Variants in ITSN2 observed in about 807,000 individuals in gnomAD.
ITSN2 encodes the protein intersectin-2.
In ITSN2, 156 loss-of-function variants were observed where a neutral mutation model predicts 243.7. That is an observed-to-expected ratio of 0.64 (90% CI 0.56 to 0.73). The LOEUF (loss-of-function observed/expected upper bound fraction) is 0.73, where lower values mean the gene tolerates loss of function less well. ITSN2 is among the 30% of genes least tolerant of loss of function. The pLI is 0.00. For missense variants in ITSN2, 1,801 were observed against 1,996.1 expected (o/e 0.90, Z 1.86); for synonymous variants, 703 against 699.9 (o/e 1.00, Z -0.07).
At chr2:24,317,310 G>T (rs1229216890) in intron 2 of ITSN2, among the ~76,000 whole-genome samples, 1 of 152,058 alleles carries the variant, frequency 6.6e-6, no homozygotes, top group Non-Finnish European at 1.5e-5. Context: ...TTTGAACCCG[G>T]GAGGTGGAGG....
chr2:24,347,641 G>A (rs144498136), intron 1 of ITSN2, among the ~76,000 whole-genome samples: 1,933 of 151,770 alleles, frequency 0.013, 39 homozygotes, highest in African/African-American at 0.043. Context: ...AGCTGAGATC[G>A]CACCATTGCA....
chr2:24,215,704 T>C (rs1396794940), intron 32 of ITSN2, among the ~76,000 whole-genome samples: 1 of 149,770 alleles, frequency 6.7e-6, no homozygotes, highest in Non-Finnish European at 1.5e-5. Flanking sequence ...TATTTTATAC[T>C]CTTTCTGGAA....
At chr2:24,332,226 G>C (rs972653438) in intron 1 of ITSN2, among the ~76,000 whole-genome samples, 2 of 152,078 alleles carry the variant, frequency 1.3e-5, no homozygotes, top group African/African-American at 4.8e-5. Context: ...TGGGCAACAA[G>C]GGCAAAACTC....
chr2:24,210,094 G>A, intron 34 of ITSN2, 61 bp from the exon 35 acceptor site: 5 of 1,242,244 alleles, frequency 4.0e-6, no homozygotes, highest in Non-Finnish European at 5.9e-6. Context: ...GTGCCCCTGA[G>A]AGGCCAGTGC....
intron 2 of ITSN2, among the ~76,000 whole-genome samples, chr2:24,320,987 T>C (rs1410179193): frequency 3.3e-5 from 5 of 152,190 alleles, no homozygotes; most frequent in Non-Finnish European, 7.3e-5. Context: ...CTTAGTGGTA[T>C]GTACACTCAT....
intron 22 of ITSN2, among the ~76,000 whole-genome samples, chr2:24,259,197 A>G (rs1675478494): frequency 6.6e-6 from 1 of 152,134 alleles, no homozygotes; most frequent in South Asian, 2.1e-4. Flanking sequence ...GGATACTACT[A>G]TCCTTTTGGT....
chr2:24,315,097 A>G, intron 3 of ITSN2, 35 bp downstream of exon 3: 1 of 1,166,710 alleles, frequency 8.6e-7, no homozygotes, highest in Non-Finnish European at 1.3e-6. Context: ...CATAAGGACC[A>G]TAATTCACTA....
intron 14 of ITSN2, 65 bp downstream of exon 14, chr2:24,295,599 G>A (rs1008493103): frequency 2.5e-5 from 32 of 1,298,200 alleles, no homozygotes; most frequent in African/African-American, 2.2e-4. Flanking sequence ...GTGAGCCACC[G>A]TGCCCAGCCC....
intron 37 of ITSN2, chr2:24,206,367 CGGCGGGAAGGAA>C (rs1668866867): frequency 1.2e-5 from 3 of 254,642 alleles, no homozygotes; most frequent in Non-Finnish European, 1.7e-5. Flanking sequence ...TGGGGGGGCC[CGGCGGGAAGGAA>C]GGTGGAGATG....
intron 7 of ITSN2, chr2:24,309,056 G>A (rs1682916327): frequency 3.7e-6 from 1 of 266,772 alleles, no homozygotes; most frequent in African/African-American, 2.3e-5. Context: ...AGAATCTAAT[G>A]CCTGATGATC....
At chr2:24,222,289 A>G (rs1670544796) in intron 29 of ITSN2, among the ~76,000 whole-genome samples, 1 of 149,994 alleles carries the variant, frequency 6.7e-6, no homozygotes, top group South Asian at 2.1e-4. Context: ...AAGCAGTGGA[A>G]GTTGTCAGAA....
Position 24,208,239 on chromosome 2 carries a change from T to C in ITSN2, c.4676A>G (p.Gln1559Arg), listed in dbSNP as rs766276113. 1.1e-5 allele frequency: 17 copies of C among 1,612,058 alleles called. No homozygotes were observed. The highest frequency in any genetic ancestry group is 1.4e-5 in the Non-Finnish European group (17 of 1,179,654). ...TEKKKREKAY[Q>R]ARSQKTSGIG... ...CCACCCTCCGGGCACCCTGATACCTTGGTAAGCTTTCTCACGCTTCTTCTT... is the reference window on the plus strand; with the variant it reads ...CCACCCTCCGGGCACCCTGATACCTCGGTAAGCTTTCTCACGCTTCTTCTT... The change falls in exon 37 of 40, where the codon CAA becomes CGA. Residue 1559 changes from glutamine to arginine, a missense_variant and splice_region_variant. Around this residue, in one of 5 missense-constraint regions of ITSN2, gnomAD observed 928 missense variants for 1,065.4 expected, o/e 0.87. Transcript: ENST00000355123.
In ITSN2 at chr2:24,203,643, G is replaced by C; in HGVS notation, c.5077C>G (p.Gln1693Glu). The C allele has an allele frequency of 6.2e-7, 1 of 1,611,844 alleles. No individual in the cohort carries two copies. The highest frequency in any genetic ancestry group is 8.5e-7 in the Non-Finnish European group (1 of 1,179,314). ...WVRFDLQLFE[Q>E]KTLL ...TAGAACCCCTACAGGAGAGTTTTTTGCTCAAAAAGCTGCAGGTCAAAACGG... is the reference window on the plus strand; with the variant it reads ...TAGAACCCCTACAGGAGAGTTTTTTCCTCAAAAAGCTGCAGGTCAAAACGG... Residue 1693 changes from glutamine (Q) to glutamate (E), a missense_variant, in exon 40 of 40, where the codon CAA (glutamine) becomes GAA (glutamate). Gln to Glu is a conservative substitution (Grantham distance 29). Transcript: ENST00000355123.
intron 29 of ITSN2, among the ~76,000 whole-genome samples, chr2:24,224,376 C>T (rs548166612): frequency 6.6e-6 from 1 of 152,276 alleles, no homozygotes; most frequent in East Asian, 1.9e-4. Flanking sequence ...TCGAATGAAA[C>T]AGGTCCATTT....
At chr2:24,282,271 C>T (rs1422455337) in intron 17 of ITSN2, among the ~76,000 whole-genome samples, 2 of 152,200 alleles carry the variant, frequency 1.3e-5, no homozygotes, top group Non-Finnish European at 2.9e-5. Context: ...AAGAGCATGT[C>T]AACAGGCACC....
chr2:24,296,728 C>T (rs752553927), intron 13 of ITSN2, among the ~76,000 whole-genome samples: 6 of 152,184 alleles, frequency 3.9e-5, no homozygotes, highest in Non-Finnish European at 5.9e-5. Flanking sequence ...CCTAGCCTAT[C>T]GTATTTTGTT....
chr2:24,296,791 G>A (rs1681022569), intron 13 of ITSN2, among the ~76,000 whole-genome samples: 1 of 152,152 alleles, frequency 6.6e-6, no homozygotes, highest in Admixed American at 6.5e-5. Context: ...GACATCCTGG[G>A]TTAAAACTTA....
At chr2:24,312,432 C>T (rs1232580285) in intron 4 of ITSN2, 57 bp from the exon 5 acceptor site, 6 of 1,338,528 alleles carry the variant, frequency 4.5e-6, no homozygotes, top group Admixed American at 2.5e-5. Flanking sequence ...GGAAAACTAA[C>T]GTTATTTTGG....
intron 32 of ITSN2, among the ~76,000 whole-genome samples, chr2:24,213,576 A>C (rs1254176227): frequency 6.6e-6 from 1 of 152,160 alleles, no homozygotes; most frequent in African/African-American, 2.4e-5. Flanking sequence ...GAGTCTTTTT[A>C]AAAAGTAACA....
Sources: gnomAD v4.1 joint callset for allele counts (sites outside exome capture counted in the v4.1 genomes callset) on GRCh38, gnomAD v4.1.1 for gene constraint, gnomAD v4.1.1 regional missense constraint, MANE v1.5 for transcripts, NCBI Gene and HGNC (gene_info 2026-07-23, HGNC 2026-07-21) for gene names.